Variants in ADIPOR1 observed in about 807,000 individuals in gnomAD.
ADIPOR1 encodes adiponectin receptor 1.
In ADIPOR1, 15 loss-of-function variants were observed where a neutral mutation model predicts 37.5. The ratio of observed to expected loss-of-function variants is 0.40; its 90% CI spans 0.27 to 0.62. The LOEUF (loss-of-function observed/expected upper bound fraction) is 0.62, where lower values mean the gene tolerates loss of function less well. Among genes scored for constraint, ADIPOR1 ranks in the 20% least tolerant of loss-of-function variants. ADIPOR1 has a pLI of 0.42. For missense variants in ADIPOR1, 286 were observed against 478.0 expected (o/e 0.60, Z 3.75); for synonymous variants, 173 against 173.2 (o/e 1.00, Z 0.01).
Position 202,946,437 on chromosome 1 carries a change from A to G in ADIPOR1, c.430+2T>C. 1.2e-6 allele frequency: 2 copies of G among 1,613,896 alleles called. No individual in the cohort carries two copies. The highest frequency in any genetic ancestry group is 1.7e-6 in the Non-Finnish European group (2 of 1,179,990). ...CCACCTTTCCCCATCCAAATCACTCACCAAGCAGATGGGTCCAGATGTTGC... is the reference window on the plus strand; with the variant it reads ...CCACCTTTCCCCATCCAAATCACTCGCCAAGCAGATGGGTCCAGATGTTGC... On this transcript the variant is annotated splice_donor_variant, in intron 4 of 7. Coordinates refer to ENST00000340990, the MANE Select transcript of ADIPOR1 (RefSeq NM_015999.6). LOFTEE classifies it high-confidence loss of function.
chr1:202,956,815 T>C (rs1654803031), intron 1 of ADIPOR1, among the ~76,000 whole-genome samples: 2 of 152,104 alleles, frequency 1.3e-5, no homozygotes, highest in Admixed American at 1.3e-4. Flanking sequence ...CTACTTAAGG[T>C]GGTGTACTTT....
At chr1:202,955,111 T>A (rs1407140394) in intron 1 of ADIPOR1, among the ~76,000 whole-genome samples, 1 of 152,228 alleles carries the variant, frequency 6.6e-6, no homozygotes, top group Non-Finnish European at 1.5e-5. Flanking sequence ...GGCACATGTT[T>A]GAAATCACCG....
chr1:202,949,593 A>AAACAAAAC (rs1553243417), intron 2 of ADIPOR1, among the ~76,000 whole-genome samples: 6 of 138,334 alleles, frequency 4.3e-5, no homozygotes, highest in Non-Finnish European at 6.2e-5. Flanking sequence ...AAAAAAAAAA[A>AAACAAAAC]AAAACACACC....
At chr1:202,941,936 T>A in intron 7 of ADIPOR1, 89 bp downstream of exon 7, 1 of 1,367,622 alleles carries the variant, frequency 7.3e-7, no homozygotes, top group South Asian at 1.4e-5. Flanking sequence ...CACTATATGA[T>A]CCCAGTCTCA....
chr1:202,949,261 C>T (rs1442132072), intron 2 of ADIPOR1, among the ~76,000 whole-genome samples: 7 of 151,736 alleles, frequency 4.6e-5, no homozygotes, highest in African/African-American at 7.3e-5. Flanking sequence ...TGGAAAACAG[C>T]GGTACTGACT....
chr1:202,946,036 A>AC (rs1654301331), intron 4 of ADIPOR1, among the ~76,000 whole-genome samples: 1 of 149,646 alleles, frequency 6.7e-6, no homozygotes, highest in Non-Finnish European at 1.5e-5. Context: ...TAAAAAAAAA[A>AC]TCAGAAAGCT....
intron 2 of ADIPOR1, among the ~76,000 whole-genome samples, chr1:202,949,092 C>G (rs751280040): frequency 6.6e-6 from 1 of 151,682 alleles, no homozygotes; most frequent in Non-Finnish European, 1.5e-5. Flanking sequence ...GCCCAGCCTA[C>G]GTTTTCAAAA....
intron 2 of ADIPOR1, among the ~76,000 whole-genome samples, chr1:202,948,632 A>G (rs1212901149): frequency 6.6e-6 from 1 of 152,170 alleles, no homozygotes; most frequent in Non-Finnish European, 1.5e-5. Context: ...TGGAGTGAAC[A>G]TTCTATGCAG....
chr1:202,942,370 C>A (rs1156581102), intron 6 of ADIPOR1, 152 bp from the exon 7 acceptor site: 3 of 672,952 alleles, frequency 4.5e-6, no homozygotes, highest in Non-Finnish European at 7.2e-6. Flanking sequence ...AGATGGATAA[C>A]ACTCAACAGA....
At chr1:202,949,920 G>A (rs1420535994) in intron 2 of ADIPOR1, among the ~76,000 whole-genome samples, 4 of 152,154 alleles carry the variant, frequency 2.6e-5, no homozygotes, top group Non-Finnish European at 5.9e-5. Context: ...ATGTAAGTAA[G>A]TTCTGGCCGA....
intron 1 of ADIPOR1, 88 bp downstream of exon 1, chr1:202,958,097 G>C (rs1028044600): frequency 6.6e-6 from 1 of 152,356 alleles, no homozygotes; most frequent in Non-Finnish European, 1.5e-5. Context: ...CCCAACAGCT[G>C]TCTCCTCCGC....
chr1:202,945,278 G>A (rs1571561673), intron 4 of ADIPOR1, 109 bp from the exon 5 acceptor site: 2 of 1,041,322 alleles, frequency 1.9e-6, no homozygotes, highest in Non-Finnish European at 2.7e-6. Context: ...CTAATCATCA[G>A]GGAAATACAA....
At position 202,950,966 on chromosome 1, in the gene ADIPOR1, T is replaced by C. The variant is rs751137283; in HGVS notation, c.105A>G (p.Glu35=). The change falls in exon 2 of 8, where the codon GAA becomes GAG. Residue 35 remains glutamate, a synonymous_variant. Transcript: ENST00000340990. ...TGGCGATTACCCGTTTGCCCTTCTC[T>C]TCTAGCAGGGGTCCCAGTTCAGCCA... ...VELAELGPLL[E]EKGKRVIANP... The C allele has an allele frequency of 1.4e-5, 22 of 1,614,068 alleles. No homozygotes were observed. The highest frequency in any genetic ancestry group is 1.8e-5 in the Non-Finnish European group (21 of 1,180,032).
chr1:202,947,883 T>C (rs773505668), intron 3 of ADIPOR1, among the ~76,000 whole-genome samples: 26 of 152,274 alleles, frequency 1.7e-4, no homozygotes, highest in Admixed American at 2.0e-4. Flanking sequence ...TTGTCACCAA[T>C]AGAAATCAGA....
chr1:202,944,169 A>G (rs922357693), intron 5 of ADIPOR1: 2 of 468,602 alleles, frequency 4.3e-6, no homozygotes, highest in South Asian at 7.0e-5. Context: ...CCATTCAAAG[A>G]ACTCTATCCC....
At position 202,942,035 on chromosome 1, in the gene ADIPOR1, A is replaced by C; in HGVS notation, c.989T>G (p.Phe330Cys). Residue 330 changes from phenylalanine to cysteine, a missense_variant, in exon 7 of 8, where the codon TTT becomes TGT. By Grantham distance (205) the Phe-to-Cys change is radical. Coordinates refer to ENST00000340990, the MANE Select transcript of ADIPOR1 (RefSeq NM_015999.6). ...AGATTCATTTCTTACCCATATGTCA[A>C]ATTTTCCAGGAAAGAAGCGCTCAGG... is the stretch of plus-strand genomic sequence containing the variant. ...RIPERFFPGKFDIWFQSHQIF... is the reference protein window; with the variant it reads ...RIPERFFPGKCDIWFQSHQIF... 1.2e-6 allele frequency: 2 copies of C among 1,611,714 alleles called. No individual in the cohort carries two copies.
chr1:202,954,790 C>T (rs1259601563), intron 1 of ADIPOR1, among the ~76,000 whole-genome samples: 5 of 152,340 alleles, frequency 3.3e-5, no homozygotes, highest in Admixed American at 2.6e-4. Context: ...GATTTTTAAT[C>T]ACCAGCCAGT....
At chr1:202,954,117 A>G (rs1393444895) in intron 1 of ADIPOR1, 1 of 152,236 alleles carries the variant, frequency 6.6e-6, no homozygotes, top group African/African-American at 2.4e-5. Context: ...ACTAGCTCCT[A>G]TACCACCTCT....
chr1:202,945,209 G>C (rs1654260147), intron 4 of ADIPOR1, 40 bp from the exon 5 acceptor site: 1 of 1,524,534 alleles, frequency 6.6e-7, no homozygotes. Context: ...TAAGAAAAAA[G>C]GGAATGTGTA....
Sources: gnomAD v4.1 joint callset for allele counts (sites outside exome capture counted in the v4.1 genomes callset) on GRCh38, gnomAD v4.1.1 for gene constraint, MANE v1.5 for transcripts, NCBI Gene and HGNC (gene_info 2026-07-23, HGNC 2026-07-21) for gene names.